The following DNAI7 variants were observed in gnomAD, a reference collection of about 807,000 sequenced individuals.
DNAI7 encodes cancer susceptibility 1.
DNAI7 carries 78 observed loss-of-function variants against 86.6 expected under a neutral mutation model. The ratio of observed to expected loss-of-function variants is 0.90; its 90% CI spans 0.75 to 1.09. The LOEUF (loss-of-function observed/expected upper bound fraction) is 1.09, where lower values mean the gene tolerates loss of function less well. Ranked by LOEUF, DNAI7 falls within the 50% of genes least tolerant of loss-of-function variation. DNAI7 has a pLI of 0.00. For missense variants in DNAI7, 753 were observed against 810.2 expected (o/e 0.93, Z 0.86); for synonymous variants, 274 against 273.0 (o/e 1.00, Z -0.04).
At chr12:25,107,150 C>A, downstream of DNAI7, 1 of 513,226 alleles carries the variant, frequency 1.9e-6, no homozygotes, top group Non-Finnish European at 3.4e-6. Context: ...AAAAGACATG[C>A]CAAATTGTTG....
At chr12:25,158,215 C>T (rs574890059) in intron 4 of DNAI7, among the ~76,000 whole-genome samples, 3 of 151,364 alleles carry the variant, frequency 2.0e-5, no homozygotes, top group Admixed American at 6.6e-5. Flanking sequence ...GGCAACAGAG[C>T]GAGACTCCAT....
At chr12:25,137,961 C>T (rs996603136) in intron 9 of DNAI7, among the ~76,000 whole-genome samples, 4 of 151,224 alleles carry the variant, frequency 2.6e-5, no homozygotes, top group Non-Finnish European at 5.9e-5. Context: ...TCCAATACTT[C>T]AACACTGACA....
rs185629131 is a variant in DNAI7 at position 25,192,365 on chromosome 12, G to T, written c.4-1734C>A. ...GTACATATCCTCATTTCTCCTATATGTCATAATAGCCACTATGTAGTGAAG... is the reference window on the plus strand; with the variant it reads ...GTACATATCCTCATTTCTCCTATATTTCATAATAGCCACTATGTAGTGAAG... On this transcript the variant is annotated intron_variant, in intron 1 of 15. Transcript: ENST00000395987. 2.2e-3 allele frequency among the ~76,000 whole-genome samples: 330 copies of T among 152,242 alleles called. 5 individuals are homozygous for T. Among genetic ancestry groups the T allele is most frequent in the South Asian group, 0.015 (72 of 4,822 alleles).
At chr12:25,108,106 A>G (rs372503452), downstream of DNAI7, 13 of 1,588,510 alleles carry the variant, frequency 8.2e-6, no homozygotes, top group African/African-American at 1.8e-4. Context: ...AAGTTTCAGT[A>G]TCTGAACTTC....
At chr12:25,188,814 G>C (rs1482403486) in intron 2 of DNAI7, among the ~76,000 whole-genome samples, 1 of 152,088 alleles carries the variant, frequency 6.6e-6, no homozygotes, top group African/African-American at 2.4e-5. Context: ...GAAGTACCAA[G>C]GTAATTTAAA....
chr12:25,110,370 C>T (rs1241734659), intron 14 of DNAI7, 130 bp from the exon 15 acceptor site: 1 of 621,880 alleles, frequency 1.6e-6, no homozygotes. Flanking sequence ...GTACATGACT[C>T]CTCTCTCAAC....
In DNAI7 at chr12:25,114,948, A is replaced by G. The variant is rs560542807; in HGVS notation, c.1397-78T>C. ...AAAGATAAATGAAAGCACCAAAAAA[A>G]TTGCTTTGTGTATAAATTGATCTTT... On this transcript the variant is annotated intron_variant, in intron 12 of 15. Coordinates refer to ENST00000395987, the MANE Select transcript of DNAI7 (RefSeq NM_018272.5). 4 of 1,113,872 alleles carry G rather than the reference A, an allele frequency of 3.6e-6. No homozygotes were observed. The South Asian group carries it at 4.5e-5, about 12-fold the overall frequency. The allele number at this position is 1,113,872 out of a possible 1,614,324, so 69.0% of individuals were successfully genotyped here.
intron 9 of DNAI7, among the ~76,000 whole-genome samples, chr12:25,132,232 C>CAGT: frequency 6.6e-6 from 1 of 152,042 alleles, no homozygotes; most frequent in Admixed American, 6.6e-5. Context: ...AGAGTATAGA[C>CAGT]AGTAAAAAAA....
chr12:25,108,652 A>C lies in DNAI7; in HGVS notation c.2065T>G (p.Phe689Val). Residue 689 changes from phenylalanine (F) to valine (V), a missense_variant, in exon 16 of 16, where the codon TTT (phenylalanine) becomes GTT (valine). Transcript: ENST00000395987. ...TTCTCCATTGCTTCCTCAGAAGCAA[A>C]ATCCTTCACCATGTGATATAAAGTA... ...HSTLYHMVKDFASEEAMEKVR... is the reference protein window; with the variant it reads ...HSTLYHMVKDVASEEAMEKVR... 1 of 1,613,558 alleles carries C rather than the reference A, an allele frequency of 6.2e-7. No homozygotes were observed. The highest frequency in any genetic ancestry group is 1.1e-5 in the South Asian group (1 of 91,064).
intron 10 of DNAI7, among the ~76,000 whole-genome samples, chr12:25,122,497 GT>G (rs1460964139): frequency 2.1e-5 from 3 of 145,712 alleles, no homozygotes; most frequent in African/African-American, 7.6e-5. Flanking sequence ...GAAAGAAAAA[GT>G]GAAGTTTAAG....
At chr12:25,108,859 A>G (rs2140308983) in intron 15 of DNAI7, 36 bp from the exon 16 acceptor site, 1 of 1,075,344 alleles carries the variant, frequency 9.3e-7, no homozygotes, top group East Asian at 2.7e-5. Context: ...GTTGTTAATA[A>G]TTCCTCTTCT....
rs761638463 is a variant in DNAI7 at position 25,110,230 on chromosome 12, A to G, written c.1790T>C (p.Val597Ala). Residue 597 changes from valine to alanine, a missense_variant, in exon 15 of 16, where the codon GTA becomes GCA. By Grantham distance (64) the Val-to-Ala change is moderately conservative. Coordinates refer to ENST00000395987, the MANE Select transcript of DNAI7 (RefSeq NM_018272.5). ...YVIINNKVPL[V>A]EVKAYRQMAL... ...CATCTGTCGATAAGCTTTCACTTCTACCAAAGGAACCTGTCAATATAAAAA... is the reference window on the plus strand; with the variant it reads ...CATCTGTCGATAAGCTTTCACTTCTGCCAAAGGAACCTGTCAATATAAAAA... The G allele has an allele frequency of 6.3e-7, 1 of 1,581,632 alleles. No homozygotes were observed. Among genetic ancestry groups the G allele is most frequent in the Admixed American group, 1.7e-5 (1 of 59,426 alleles).
chr12:25,174,634 T>TATGA (rs1948729631), intron 2 of DNAI7, among the ~76,000 whole-genome samples: 1 of 118,592 alleles, frequency 8.4e-6, no homozygotes, highest in African/African-American at 3.6e-5. Flanking sequence ...GGGATATATA[T>TATGA]CATATATATG....
intron 12 of DNAI7, among the ~76,000 whole-genome samples, chr12:25,118,026 C>T (rs951123567): frequency 2.0e-5 from 3 of 150,504 alleles, no homozygotes; most frequent in Non-Finnish European, 4.4e-5. Flanking sequence ...CTCCACCTCC[C>T]AGGTTCAAGC....
chr12:25,162,537 C>T (rs1318367967), intron 2 of DNAI7, among the ~76,000 whole-genome samples: 2 of 152,150 alleles, frequency 1.3e-5, no homozygotes, highest in African/African-American at 4.8e-5. Context: ...AAGAAGAATT[C>T]ATAGAAAGAG....
At chr12:25,117,621 G>A (rs922257358) in intron 12 of DNAI7, among the ~76,000 whole-genome samples, 10 of 152,044 alleles carry the variant, frequency 6.6e-5, no homozygotes, top group Admixed American at 6.5e-4. Context: ...AGAGGTATTT[G>A]TTAATGATTA....
intron 1 of DNAI7, among the ~76,000 whole-genome samples, chr12:25,191,112 A>G (rs913477070): frequency 6.6e-6 from 1 of 152,248 alleles, no homozygotes; most frequent in Non-Finnish European, 1.5e-5. Flanking sequence ...AAAGGGAATC[A>G]GTTATTTAAA....
chr12:25,193,154 A>C (rs1231253803), intron 1 of DNAI7, among the ~76,000 whole-genome samples: 1 of 151,934 alleles, frequency 6.6e-6, no homozygotes, highest in Non-Finnish European at 1.5e-5. Context: ...AAAAAGAAAA[A>C]AAAAAAAGAA....
Position 25,144,511 on chromosome 12 carries a change from G to A in DNAI7, c.856C>T (p.Leu286Phe), listed in dbSNP as rs146367631. Residue 286 changes from leucine (L) to phenylalanine (F), a missense_variant, in exon 9 of 16, where the codon CTT becomes TTT. Leu to Phe is a conservative substitution (Grantham distance 22). Coordinates refer to ENST00000395987, the MANE Select transcript of DNAI7 (RefSeq NM_018272.5). ...ACATTCTTAACATCATCTTTGACAAGCTCAGTTACTGCAGAAGTGTATTCT... is the reference window on the plus strand; with the variant it reads ...ACATTCTTAACATCATCTTTGACAAACTCAGTTACTGCAGAAGTGTATTCT... ...SKEYTSAVTELVKDDVKNVEK... is the reference protein window; with the variant it reads ...SKEYTSAVTEFVKDDVKNVEK... The A allele has an allele frequency of 7.2e-5, 116 of 1,614,018 alleles. No individual in the cohort carries two copies. In the East Asian group the frequency reaches 2.5e-3, roughly 34 times the overall value.
Sources: gnomAD v4.1 joint callset for allele counts (sites outside exome capture counted in the v4.1 genomes callset) on GRCh38, gnomAD v4.1.1 for gene constraint, MANE v1.5 for transcripts, NCBI Gene and HGNC (gene_info 2026-07-23, HGNC 2026-07-21) for gene names.